Variants in CUX1 observed in about 807,000 individuals in gnomAD.
CUX1 encodes cut like homeobox 1.
In CUX1, 31 loss-of-function variants were observed where a neutral mutation model predicts 158.8. The ratio of observed to expected loss-of-function variants is 0.20; its 90% confidence interval spans 0.15 to 0.26. The LOEUF (loss-of-function observed/expected upper bound fraction) is 0.26, where lower values mean the gene tolerates loss of function less well. CUX1 is among the 10% of genes least tolerant of loss of function. CUX1 has a pLI of 1.00. For synonymous variants in CUX1, 879 were observed against 862.1 expected, an observed-to-expected ratio of 1.02 and a Z score of -0.34; for missense variants, 1,589 against 2,014.6, an observed-to-expected ratio of 0.79 and a Z score of 4.04.
rs71123016 is a variant in CUX1, at chr7:102,222,811, C to CTTTTTTTTTTT, written c.3131-4540_3131-4530dup. Among the ~76,000 whole-genome samples the CTTTTTTTTTTT allele has an allele frequency of 1.9e-3, 48 of 25,526 alleles. 14 individuals carry two copies. Among genetic ancestry groups the CTTTTTTTTTTT allele is most frequent in the Admixed American group, 4.0e-3 (5 of 1,244 alleles). 16.7% of individuals were successfully genotyped at this position (25,526 alleles called of 152,430 possible). ...GGCTGTGTGTCTCGGGGCACCGTAT[C>CTTTTTTTTTTT]TTTTTTTTTTTTTTTTTTTTTTTTT... On this transcript the variant is annotated intron_variant, in intron 20 of 23. Coordinates refer to ENST00000292535, the MANE Select transcript of CUX1 (RefSeq NM_181552.4).
Position 102,270,591 on chromosome 7 carries a change from A to G in CUX1, c.1256-2775A>G, listed in dbSNP as rs187689781. Among the ~76,000 whole-genome samples, 402 of 152,060 alleles carry G rather than the reference A, an allele frequency of 2.6e-3. 1 individual carries two copies. The highest frequency in any genetic ancestry group is 9.0e-3 in the African/African-American group (374 of 41,466). Reference sequence around the variant, plus strand: ...CTGCCTCACCAGCAGCCATCCCCCAATTCTGCTGCCCGTGCAACTGGCCTG... The same window carrying G: ...CTGCCTCACCAGCAGCCATCCCCCAGTTCTGCTGCCCGTGCAACTGGCCTG... On this transcript the variant is annotated intron_variant, in intron 14 of 22. Coordinates refer to the CUX1 transcript ENST00000292538.
At chr7:102,002,488 A>C (rs1816796431) in intron 2 of CUX1, among the ~76,000 whole-genome samples, 2 of 152,148 alleles carry the variant, frequency 1.3e-5, no homozygotes, top group Non-Finnish European at 2.9e-5. Context: ...GTTTTGCCCC[A>C]CTGGGGCTTT....
intron 4 of CUX1, among the ~76,000 whole-genome samples, chr7:102,072,268 A>G (rs1304650447): frequency 6.6e-6 from 1 of 152,224 alleles, no homozygotes; most frequent in Non-Finnish European, 1.5e-5. Flanking sequence ...TCCCATTGGC[A>G]ATTGGTGTTC....
chr7:102,238,879 C>CTTTTGTTTTG (rs782088297), intron 22 of CUX1, among the ~76,000 whole-genome samples: 4 of 152,018 alleles, frequency 2.6e-5, no homozygotes, highest in African/African-American at 7.3e-5. Flanking sequence ...AGCGTTGTTT[C>CTTTTGTTTTG]TTTTGTTTTG....
At chr7:102,145,195 G>A (rs7798358) in intron 8 of CUX1, among the ~76,000 whole-genome samples, 35,061 of 151,350 alleles carry the variant, frequency 0.23, 4,428 homozygotes, top group Non-Finnish European at 0.29. Context: ...TTCCCTCTTC[G>A]TCACTTTTTC....
At chr7:102,019,966 T>C (rs183286385) in intron 2 of CUX1, among the ~76,000 whole-genome samples, 2 of 152,344 alleles carry the variant, frequency 1.3e-5, no homozygotes, top group East Asian at 3.9e-4. Context: ...AGATTTCTTT[T>C]ATTTCAGAAA....
At position 101,850,626 on chromosome 7, in the gene CUX1, C is replaced by T. The variant is rs6963762; in HGVS notation, c.30+32957C>T. ...AACTCCTGGGCTCAAGCAATCCTCC[C>T]GCCTCCGCCTCCCAAAAAGCTGGGA... On this transcript the variant is annotated intron_variant, in intron 1 of 23. Transcript: ENST00000292535. Among the ~76,000 whole-genome samples, 1,190 of 152,000 alleles carry T rather than the reference C, an allele frequency of 7.8e-3. 8 individuals are homozygous for T. Among genetic ancestry groups the T allele is most frequent in the African/African-American group, 0.027 (1,121 of 41,476 alleles).
chr7:102,212,600 A>G (rs1554523467), intron 20 of CUX1, among the ~76,000 whole-genome samples: 2 of 152,196 alleles, frequency 1.3e-5, no homozygotes, highest in African/African-American at 4.8e-5. Flanking sequence ...TCAAACTTAC[A>G]GTCTTTTTAA....
At chr7:101,946,634 T>C (rs1808415348) in intron 2 of CUX1, among the ~76,000 whole-genome samples, 1 of 151,376 alleles carries the variant, frequency 6.6e-6, no homozygotes, top group Non-Finnish European at 1.5e-5. Context: ...TGGGTTGGAT[T>C]TGGGGTGGGG....
At position 102,248,797 on chromosome 7, in the gene CUX1, G is replaced by A; in HGVS notation, c.4273G>A (p.Ala1425Thr). The A allele has an allele frequency of 1.9e-6, 2 of 1,080,072 alleles. No homozygotes were observed. Among genetic ancestry groups the A allele is most frequent in the Non-Finnish European group, 2.2e-6 (2 of 890,058 alleles). 66.9% of individuals were successfully genotyped at this position (1,080,072 alleles called of 1,614,324 possible). ...AAPEDAATSAAAAPGEGPAAP... is the reference protein window; with the variant it reads ...AAPEDAATSATAAPGEGPAAP... ...CCCCGAGGACGCCGCTACCTCAGCC[G>A]CCGCCGCGCCGGGGGAGGGCCCCGC... Residue 1425 changes from alanine to threonine, a missense_variant, in exon 24 of 24, where the codon GCC becomes ACC. This residue lies in a region of CUX1 where 344 missense variants were observed against 323.7 expected (regional missense o/e 1.06). Transcript: ENST00000292535. This position sits in a 1 kb window ranked among gnomAD's most constrained non-coding sequence, Gnocchi z 5.8.
chr7:102,216,287 C>T lies in CUX1; in HGVS notation c.3131-11080C>T, dbSNP rs963952329. Among the ~76,000 whole-genome samples, 8 of 152,218 alleles carry T rather than the reference C, an allele frequency of 5.3e-5. No individual in the cohort carries two copies. In the East Asian group the frequency reaches 9.7e-4, roughly 18 times the overall value. ...GAGCTGAGATCACGCCACTGCACTCCAGCCTGGGCAGCAGAGCAACACCCC... is the reference window on the plus strand; with the variant it reads ...GAGCTGAGATCACGCCACTGCACTCTAGCCTGGGCAGCAGAGCAACACCCC... On this transcript the variant is annotated intron_variant, in intron 20 of 23. Coordinates refer to ENST00000292535, the MANE Select transcript of CUX1 (RefSeq NM_181552.4).
intron 16 of CUX1, among the ~76,000 whole-genome samples, chr7:102,275,092 C>T (rs1217808478): frequency 6.6e-6 from 1 of 152,182 alleles, no homozygotes; most frequent in Non-Finnish European, 1.5e-5. Context: ...CCTCCCCTTC[C>T]CCGACCTGCC....
chr7:102,107,490 G>A (rs575845326), intron 6 of CUX1, among the ~76,000 whole-genome samples: 3 of 152,062 alleles, frequency 2.0e-5, no homozygotes, highest in African/African-American at 4.8e-5. Context: ...GCAGTAAGCC[G>A]AGATCACACC....
rs1797484618 is a variant in CUX1, at chr7:102,218,712, AT to A, written c.3131-8651del. 2.0e-5 allele frequency among the ~76,000 whole-genome samples: 3 copies of A among 151,754 alleles called. No homozygotes were observed. The South Asian group carries it at 6.3e-4, about 32-fold the overall frequency. On this transcript the variant is annotated intron_variant, in intron 20 of 23. Coordinates refer to ENST00000292535, the MANE Select transcript of CUX1 (RefSeq NM_181552.4). ...CAAGAAAAAAATCAAGAGAGAAAGA[AT>A]TTTGGCTCCCATGTCATTATAAGAG...
intron 2 of CUX1, among the ~76,000 whole-genome samples, chr7:101,965,513 G>A (rs540517460): frequency 3.8e-4 from 58 of 152,188 alleles, no homozygotes; most frequent in South Asian, 3.3e-3. Context: ...GGTTGACTGC[G>A]GTACTGCTCC....
intron 5 of CUX1, among the ~76,000 whole-genome samples, chr7:102,098,807 ATTTTT>A (rs112048598): frequency 0.19 from 12,463 of 67,006 alleles, 1,195 homozygotes; most frequent in African/African-American, 0.21. Flanking sequence ...CGCCCAACTA[ATTTTT>A]TTTTTTTTTT....
At chr7:101,877,309 G>A (rs938457838) in intron 1 of CUX1, among the ~76,000 whole-genome samples, 1 of 152,182 alleles carries the variant, frequency 6.6e-6, no homozygotes, top group Non-Finnish European at 1.5e-5. Context: ...TATATACACA[G>A]AAACAAATAC....
intron 4 of CUX1, among the ~76,000 whole-genome samples, chr7:102,091,843 C>T (rs1828613240): frequency 6.6e-6 from 1 of 151,952 alleles, no homozygotes; most frequent in Non-Finnish European, 1.5e-5. Context: ...GCAACCTCCA[C>T]CTCCCAGGCT....
chr7:102,020,920 C>T (rs534312447), intron 2 of CUX1, among the ~76,000 whole-genome samples: 1 of 151,174 alleles, frequency 6.6e-6, no homozygotes, highest in East Asian at 1.9e-4. Context: ...TGAGCTAAGA[C>T]CAGAGGAGAG....
Sources: gnomAD v4.1 joint callset for allele counts (sites outside exome capture counted in the v4.1 genomes callset) on GRCh38, gnomAD v4.1.1 for gene constraint, gnomAD v4.1.1 regional missense constraint, Gnocchi (gnomAD v3.1) non-coding constraint, MANE v1.5 for transcripts, NCBI Gene and HGNC (gene_info 2026-07-23, HGNC 2026-07-21) for gene names.